The following LCORL variants were observed in gnomAD, a reference collection of about 807,000 sequenced individuals.
The protein encoded by LCORL is ligand dependent nuclear receptor corepressor like.
Under a neutral mutation model 141.8 loss-of-function variants are expected in LCORL, and 41 were observed. The observed-to-expected ratio is 0.29, with a 90% CI of 0.23 to 0.38. LCORL has a LOEUF of 0.38. LCORL is among the 10% of genes least tolerant of loss of function. The probability of loss-of-function intolerance (pLI) is 1.00; values close to 1 mark genes in which losing one functional copy is unlikely to be tolerated. For synonymous variants in LCORL, 618 were observed against 694.1 expected, an observed-to-expected ratio of 0.89 and a Z score of 1.72; for missense variants, 1,759 against 2,035.0, an observed-to-expected ratio of 0.86 and a Z score of 2.61.
intron 5 of LCORL, among the ~76,000 whole-genome samples, chr4:17,900,032 C>T (rs1730632902): frequency 6.6e-6 from 1 of 152,012 alleles, no homozygotes; most frequent in Non-Finnish European, 1.5e-5. Context: ...ATACTTAACC[C>T]ATATAACAAA....
chr4:17,874,649 T>G (rs1726725807), exon 7 of LCORL: 1 of 1,233,788 alleles, frequency 8.1e-7, no homozygotes, highest in Non-Finnish European at 1.0e-6. Flanking sequence ...CCCAAGCATT[T>G]GTTATTTGCT....
At chr4:17,855,966 C>T (rs1031490215) in intron 7 of LCORL, among the ~76,000 whole-genome samples, 2 of 152,208 alleles carry the variant, frequency 1.3e-5, no homozygotes, top group Non-Finnish European at 2.9e-5. Flanking sequence ...GTCTCTCATT[C>T]TTTAAAAAAT....
At chr4:17,874,602 T>A (rs895268135) in exon 7 of LCORL, 2 of 1,233,722 alleles carry the variant, frequency 1.6e-6, no homozygotes, top group Non-Finnish European at 2.0e-6. Context: ...TCTTTTTTTA[T>A]GAATACAATT....
chr4:17,914,750 C>T (rs1012960091), intron 4 of LCORL, among the ~76,000 whole-genome samples: 4 of 152,192 alleles, frequency 2.6e-5, no homozygotes, highest in East Asian at 1.9e-4. Context: ...TGTTGCCACC[C>T]GGAAATAGGG....
intron 4 of LCORL, among the ~76,000 whole-genome samples, chr4:17,940,407 C>A (rs1381114359): frequency 6.8e-6 from 1 of 147,050 alleles, no homozygotes; most frequent in African/African-American, 2.5e-5. Flanking sequence ...AGGAAACAAA[C>A]TATATTAAAA....
intron 6 of LCORL, chr4:17,880,765 A>G (rs1343864324): frequency 7.3e-6 from 7 of 956,186 alleles, no homozygotes; most frequent in South Asian, 4.8e-5. Flanking sequence ...ATTTAGATAT[A>G]TAACAACACA....
intron 4 of LCORL, chr4:17,912,306 C>T (rs1195676465): frequency 4.6e-5 from 31 of 676,400 alleles, no homozygotes; most frequent in Non-Finnish European, 7.8e-5. Context: ...AGACACAGAT[C>T]GAGGCTCTCA....
intron 1 of LCORL, among the ~76,000 whole-genome samples, chr4:17,978,864 C>T (rs935099792): frequency 2.0e-5 from 3 of 152,146 alleles, no homozygotes; most frequent in East Asian, 1.9e-4. Context: ...TCATAAATTC[C>T]GGCCACTCAC....
At chr4:17,896,892 T>C (rs962386149) in intron 5 of LCORL, among the ~76,000 whole-genome samples, 1 of 152,068 alleles carries the variant, frequency 6.6e-6, no homozygotes, top group African/African-American at 2.4e-5. Context: ...CTTCTCAGCC[T>C]CTGGTAACCA....
chr4:18,019,024 T>C (rs745602768), intron 1 of LCORL, among the ~76,000 whole-genome samples: 1 of 152,174 alleles, frequency 6.6e-6, no homozygotes, highest in Non-Finnish European at 1.5e-5. Flanking sequence ...TTAATCCCAA[T>C]TCACACTATA....
chr4:17,885,378 C>T (rs898464960), intron 6 of LCORL, among the ~76,000 whole-genome samples: 7 of 151,918 alleles, frequency 4.6e-5, no homozygotes, highest in African/African-American at 7.2e-5. Flanking sequence ...AAACAGAAAG[C>T]TTACTATACC....
At chr4:17,930,981 T>A (rs930015805) in intron 4 of LCORL, among the ~76,000 whole-genome samples, 1 of 152,220 alleles carries the variant, frequency 6.6e-6, no homozygotes, top group Non-Finnish European at 1.5e-5. Flanking sequence ...CTGAGCTTTC[T>A]TGATACCTTT....
intron 4 of LCORL, among the ~76,000 whole-genome samples, chr4:17,918,870 C>G (rs77511415): frequency 2.5e-3 from 380 of 152,010 alleles, no homozygotes; most frequent in African/African-American, 8.4e-3. Context: ...AAATGCCAAG[C>G]AGAATAAACT....
chr4:17,937,851 G>T (rs1159244373), intron 4 of LCORL, among the ~76,000 whole-genome samples: 2 of 152,078 alleles, frequency 1.3e-5, no homozygotes, highest in Non-Finnish European at 2.9e-5. Flanking sequence ...TTCATATCTA[G>T]CATGGAAGCA....
At chr4:17,885,960 T>A (rs907174002) in intron 6 of LCORL, 108 bp downstream of exon 6, 3 of 484,318 alleles carry the variant, frequency 6.2e-6, no homozygotes, top group African/African-American at 2.0e-5. Context: ...GTGACAAAAA[T>A]TCTGGAGGAA....
chr4:17,943,508 T>C (rs1738317568), intron 4 of LCORL, among the ~76,000 whole-genome samples: 1 of 152,202 alleles, frequency 6.6e-6, no homozygotes, highest in South Asian at 2.1e-4. Context: ...GAAAAATGAT[T>C]TTTCTTCTGG....
intron 7 of LCORL, among the ~76,000 whole-genome samples, chr4:17,849,025 G>T (rs1363942174): frequency 6.6e-6 from 1 of 152,238 alleles, no homozygotes. Flanking sequence ...CAAAGCAGCT[G>T]GGAAGCTCGA....
intron 4 of LCORL, among the ~76,000 whole-genome samples, chr4:17,912,653 T>C (rs1732757157): frequency 6.6e-6 from 1 of 152,048 alleles, no homozygotes; most frequent in African/African-American, 2.4e-5. Context: ...GGAGGCCAGC[T>C]TGGAGAATGG....
rs1443379595 is a variant in LCORL at position 17,881,475 on chromosome 4, TTTTAA to T, written c.777-3267_777-3263del. ...ATTACCTATAAACTATCAAAAAATA[TTTTAA>T]TTTACTATTTCTGACCAAAAATAAA... On this transcript the variant is annotated intron_variant, in intron 6 of 7. Coordinates refer to ENST00000635767, the Ensembl canonical transcript of LCORL. 11 of 865,412 alleles carry T rather than the reference TTTTAA, an allele frequency of 1.3e-5. No homozygotes were observed. The South Asian group carries it at 1.6e-4, about 12-fold the overall frequency. The allele number at this position is 865,412 out of a possible 1,614,324, so 53.6% of individuals were successfully genotyped here. A position where few individuals can be genotyped will look rare whatever the true frequency, so the allele number is the denominator to read the frequency against.
Sources: allele counts gnomAD v4.1 joint callset (sites outside exome capture counted in the v4.1 genomes callset), GRCh38; gene constraint gnomAD v4.1.1; transcripts MANE v1.5; gene names NCBI Gene and HGNC (gene_info 2026-07-23, HGNC 2026-07-21).